The following IGSF3 variants were observed in gnomAD, a reference collection of about 807,000 sequenced individuals.
IGSF3 encodes the protein glu-Trp-Ile EWI motif-containing protein 3.
A neutral mutation model predicts 114.4 loss-of-function variants in IGSF3; 23 were observed. That is an observed-to-expected ratio of 0.20 (90% CI 0.14 to 0.28). IGSF3 has a LOEUF of 0.28. Among genes scored for constraint, IGSF3 ranks in the 10% least tolerant of loss-of-function variants. The probability of loss-of-function intolerance (pLI) is 1.00; values close to 1 mark genes in which losing one functional copy is unlikely to be tolerated. For synonymous variants in IGSF3, 571 were observed against 645.2 expected, an observed-to-expected ratio of 0.88 and a Z score of 1.74; for missense variants, 1,172 against 1,591.5, an observed-to-expected ratio of 0.74 and a Z score of 4.48.
In IGSF3 at chr1:116,595,768, G is replaced by T. The variant is rs1178970027; in HGVS notation, c.2029+4173C>A. ...TGCTAACATTTCCCTTACTGCTTCT[G>T]TATTTAAGGATATGTAATTGGAGGG... On this transcript the variant is annotated intron_variant, in intron 7 of 10. Transcript: ENST00000369486. The surrounding 1 kb of genome is among the most constrained non-coding windows in gnomAD (Gnocchi z 4.2). Among the ~76,000 whole-genome samples the T allele has an allele frequency of 6.6e-5, 10 of 152,198 alleles. No homozygotes were observed. Among genetic ancestry groups the T allele is most frequent in the Admixed American group, 6.5e-4 (10 of 15,290 alleles).
In IGSF3 at chr1:116,575,509, GCA is replaced by G. The variant is rs1380816717; in HGVS notation, c.*1801_*1802del. ...ATACCTGCAGACCCTTGAAGGATCA[GCA>G]CAGACACTGGCCTGGGGAATCCCAT... On this transcript the variant is annotated 3_prime_UTR_variant, in exon 11 of 11. Transcript: ENST00000369486. This position sits in a 1 kb window ranked among gnomAD's most constrained non-coding sequence, Gnocchi z 5.6. The G allele has an allele frequency of 3.9e-5, 6 of 152,490 alleles. No individual in the cohort carries two copies. The highest frequency in any genetic ancestry group is 1.4e-4 in the African/African-American group (6 of 41,456). 9.4% of individuals were successfully genotyped at this position (152,490 alleles called of 1,614,324 possible).
intron 2 of IGSF3, among the ~76,000 whole-genome samples, chr1:116,623,640 C>G (rs1032952137): frequency 2.0e-5 from 3 of 151,498 alleles, no homozygotes; most frequent in Admixed American, 6.6e-5. Flanking sequence ...CCACTGCACT[C>G]CAGCCCATTC....
chr1:116,589,752 C>T lies in IGSF3; in HGVS notation c.2030-648G>A, dbSNP rs1308107962. On this transcript the variant is annotated intron_variant, in intron 7 of 10. Transcript: ENST00000369486. This position sits in a 1 kb window ranked among gnomAD's most constrained non-coding sequence, Gnocchi z 5.7. ...TGTCCTCACATCTCTCTCCCATATCCTAGATGGTGAGCTCCCCCAGGGCAG... is the reference window on the plus strand; with the variant it reads ...TGTCCTCACATCTCTCTCCCATATCTTAGATGGTGAGCTCCCCCAGGGCAG... Among the ~76,000 whole-genome samples the T allele has an allele frequency of 2.0e-5, 3 of 152,158 alleles. No homozygotes were observed. Among genetic ancestry groups the T allele is most frequent in the Non-Finnish European group, 2.9e-5 (2 of 68,028 alleles).
intron 4 of IGSF3, among the ~76,000 whole-genome samples, chr1:116,609,880 C>A (rs1025699143): frequency 1.7e-4 from 26 of 152,286 alleles, no homozygotes; most frequent in Admixed American, 9.8e-4. Context: ...CTTTACCCCT[C>A]CCGCTCCTCA....
Position 116,664,238 on chromosome 1 carries a change from A to G in IGSF3, c.43+2046T>C, listed in dbSNP as rs945727679. Among the ~76,000 whole-genome samples the G allele has an allele frequency of 1.3e-5, 2 of 152,188 alleles. No individual in the cohort carries two copies. Among genetic ancestry groups the G allele is most frequent in the African/African-American group, 4.8e-5 (2 of 41,450 alleles). Reference sequence around the variant, plus strand: ...TGGATGTCTGCCACTGTGCCCCTTTAAAGCCACCTTGATGCTCATTTTCCT... The same window carrying G: ...TGGATGTCTGCCACTGTGCCCCTTTGAAGCCACCTTGATGCTCATTTTCCT... On this transcript the variant is annotated intron_variant, in intron 2 of 10. Transcript: ENST00000369486. This position sits in a 1 kb window ranked among gnomAD's most constrained non-coding sequence, Gnocchi z 4.6.
At chr1:116,621,083 T>TA (rs1661401932) in intron 2 of IGSF3, among the ~76,000 whole-genome samples, 2 of 152,174 alleles carry the variant, frequency 1.3e-5, no homozygotes, top group South Asian at 4.1e-4. Flanking sequence ...CTGTGCTTGT[T>TA]AGAGTTCTCA....
chr1:116,663,739 G>A (rs778050289), intron 2 of IGSF3, among the ~76,000 whole-genome samples: 9 of 152,040 alleles, frequency 5.9e-5, no homozygotes, highest in Admixed American at 1.3e-4. Flanking sequence ...AAGCGTCTCC[G>A]AGATTTACCC....
In IGSF3 at chr1:116,605,331, G is replaced by A. The variant is rs1051712036; in HGVS notation, c.1223-1306C>T. ...TTCCCCAACAAGCAGAAACAAAGAC[G>A]AGCACTGAGCCTCCACATGTAGCTC... On this transcript the variant is annotated intron_variant, in intron 5 of 10. Transcript: ENST00000369486. The surrounding 1 kb of genome is among the most constrained non-coding windows in gnomAD (Gnocchi z 5.1). 6.6e-6 allele frequency among the ~76,000 whole-genome samples: 1 copy of A among 151,782 alleles called. No homozygotes were observed. The highest frequency in any genetic ancestry group is 1.5e-5 in the Non-Finnish European group (1 of 68,010).
rs528940627 is a variant in IGSF3 at position 116,624,371 on chromosome 1, A to T, written c.44-7914T>A. ...CTGTGAGATCTTGGGCTGGTTACTT[A>T]ACCTCTCTGCACCTCAGTTTCCTCA... is the stretch of plus-strand genomic sequence containing the variant. On this transcript the variant is annotated intron_variant, in intron 2 of 10. Transcript: ENST00000369486. The surrounding 1 kb of genome is among the most constrained non-coding windows in gnomAD (Gnocchi z 4.9). 6.6e-6 allele frequency among the ~76,000 whole-genome samples: 1 copy of T among 152,300 alleles called. No homozygotes were observed. The highest frequency in any genetic ancestry group is 6.5e-5 in the Admixed American group (1 of 15,304).
At position 116,583,283 on chromosome 1, in the gene IGSF3, C is replaced by T; in HGVS notation, c.2848+1362G>A. On this transcript the variant is annotated intron_variant, in intron 9 of 10. Transcript: ENST00000369486. The surrounding 1 kb of genome is among the most constrained non-coding windows in gnomAD (Gnocchi z 4.5). ...TTGAGGGAGTGGGGGCACTCAGCTG[C>T]CATTCTCTACAATTTCACCTTCGGG... 6.6e-6 allele frequency among the ~76,000 whole-genome samples: 1 copy of T among 152,198 alleles called. No homozygotes were observed. The highest frequency in any genetic ancestry group is 1.9e-4 in the East Asian group (1 of 5,204).
Position 116,666,642 on chromosome 1 carries a change from A to G in IGSF3, c.-316T>C. ...GCAGACTGTAGTGGATTAATCCTCC[A>G]GAAGCACGGAAAAAAGGGTCTGAGA... On this transcript the variant is annotated 5_prime_UTR_variant, in exon 2 of 11. Transcript: ENST00000369486. The G allele has an allele frequency of 1.8e-6, 1 of 567,782 alleles. No individual in the cohort carries two copies. Among genetic ancestry groups the G allele is most frequent in the South Asian group, 2.4e-5 (1 of 41,056 alleles). 35.2% of individuals were successfully genotyped at this position (567,782 alleles called of 1,614,324 possible).
chr1:116,598,577 C>T lies in IGSF3; in HGVS notation c.2029+1364G>A, dbSNP rs571467821. Among the ~76,000 whole-genome samples the T allele has an allele frequency of 7.2e-5, 11 of 152,290 alleles. No homozygotes were observed. Among genetic ancestry groups the T allele is most frequent in the South Asian group, 2.1e-4 (1 of 4,830 alleles). On this transcript the variant is annotated intron_variant, in intron 7 of 10. Coordinates refer to ENST00000369486, the MANE Select transcript of IGSF3 (RefSeq NM_001007237.3). This position sits in a 1 kb window ranked among gnomAD's most constrained non-coding sequence, Gnocchi z 4.3. ...CAAAGGTTACCATTATTTAACCTCA[C>T]GTTGCTGAAAACGACACTGTGGCCA...
At chr1:116,578,536 C>A (rs1659453613) in intron 10 of IGSF3, among the ~76,000 whole-genome samples, 1 of 152,204 alleles carries the variant, frequency 6.6e-6, no homozygotes, top group African/African-American at 2.4e-5. Context: ...ATGGTTCTAA[C>A]ACAATGTGAG....
At chr1:116,611,097 T>C (rs1557870385) in intron 4 of IGSF3, among the ~76,000 whole-genome samples, 1 of 152,188 alleles carries the variant, frequency 6.6e-6, no homozygotes, top group African/African-American at 2.4e-5. Flanking sequence ...TTAGCTCTTA[T>C]TAGCTCTTTT....
In IGSF3 at chr1:116,638,126, A is replaced by G. The variant is rs1647920067; in HGVS notation, c.44-21669T>C. Among the ~76,000 whole-genome samples the G allele has an allele frequency of 6.6e-6, 1 of 152,148 alleles. No individual in the cohort carries two copies. Among genetic ancestry groups the G allele is most frequent in the Non-Finnish European group, 1.5e-5 (1 of 68,020 alleles). The stretch of plus-strand genomic sequence containing the variant: ...AAATAAACCAAAAATGTGTTATTCC[A>G]GCTACCCTCACTCTTTTTGTGGTTT... On this transcript the variant is annotated intron_variant, in intron 2 of 10. Transcript: ENST00000369486. This position sits in a 1 kb window ranked among gnomAD's most constrained non-coding sequence, Gnocchi z 4.1.
At chr1:116,608,780 G>A (rs1383020313) in intron 4 of IGSF3, among the ~76,000 whole-genome samples, 9 of 152,190 alleles carry the variant, frequency 5.9e-5, no homozygotes, top group Admixed American at 3.3e-4. Flanking sequence ...TGAGGTCTGT[G>A]GGAAAAAATT....
intron 4 of IGSF3, among the ~76,000 whole-genome samples, chr1:116,609,129 G>A (rs550673162): frequency 1.3e-5 from 2 of 151,994 alleles, no homozygotes; most frequent in South Asian, 2.1e-4. Flanking sequence ...CACTGAGTAA[G>A]TACTTAGTAG....
rs1046192949 is a variant in IGSF3, at chr1:116,625,442, G to A, written c.44-8985C>T. ...GATTAGCAAGAAGTTTGCGGAGGTC[G>A]TTTTGTCACATGACTGGAGGGCACA... On this transcript the variant is annotated intron_variant, in intron 2 of 10. Transcript: ENST00000369486. The surrounding 1 kb of genome is among the most constrained non-coding windows in gnomAD (Gnocchi z 4.7). Among the ~76,000 whole-genome samples, 10 of 152,320 alleles carry A rather than the reference G, an allele frequency of 6.6e-5. No homozygotes were observed. Among genetic ancestry groups the A allele is most frequent in the East Asian group, 1.9e-4 (1 of 5,186 alleles).
rs1659267579 is a variant in IGSF3, at chr1:116,574,746, C to A, written c.*2566G>T. 6.6e-6 allele frequency: 1 copy of A among 152,598 alleles called. No individual in the cohort carries two copies. The highest frequency in any genetic ancestry group is 2.1e-4 in the South Asian group (1 of 4,838). The allele number at this position is 152,598 out of a possible 1,614,324, so 9.5% of individuals were successfully genotyped here. ...AGTATTCAGCAGTTTTCCTCCGTCT[C>A]AGAAGACTAAAGCTCCAGTAGACAA... On this transcript the variant is annotated 3_prime_UTR_variant, in exon 11 of 11. Coordinates refer to ENST00000369486, the MANE Select transcript of IGSF3 (RefSeq NM_001007237.3). The surrounding 1 kb of genome is among the most constrained non-coding windows in gnomAD (Gnocchi z 5.2).
Sources: gnomAD v4.1 joint callset for allele counts (sites outside exome capture counted in the v4.1 genomes callset) on GRCh38, gnomAD v4.1.1 for gene constraint, Gnocchi (gnomAD v3.1) non-coding constraint, MANE v1.5 for transcripts, NCBI Gene and HGNC (gene_info 2026-07-23, HGNC 2026-07-21) for gene names.